HDLBP: variants seen among roughly 807,000 people sequenced by gnomAD.
HDLBP encodes high density lipoprotein binding protein.
In HDLBP, 30 loss-of-function variants were observed where a neutral mutation model predicts 137.3. The observed-to-expected ratio is 0.22, with a 90% CI of 0.16 to 0.30. The LOEUF (loss-of-function observed/expected upper bound fraction) is 0.30. Ranked by LOEUF, HDLBP falls within the 10% of genes least tolerant of loss-of-function variation. The pLI is 1.00. For missense variants in HDLBP, 1,119 were observed against 1,667.3 expected (o/e 0.67, Z 5.73); for synonymous variants, 606 against 596.0 (o/e 1.02, Z -0.24).
At chr2:241,264,360 T>G (rs1358109616) in intron 4 of HDLBP, 88 bp downstream of exon 4, 28 of 737,684 alleles carry the variant, frequency 3.8e-5, no homozygotes, top group Non-Finnish European at 5.3e-5. Context: ...GGACTCTGTC[T>G]CAAAAAAAAA....
At chr2:241,260,212 G>A (rs138029293) in intron 5 of HDLBP, among the ~76,000 whole-genome samples, 1 of 151,730 alleles carries the variant, frequency 6.6e-6, no homozygotes, top group African/African-American at 2.4e-5. Flanking sequence ...CGCCATACTG[G>A]CCAGGCTGGT....
chr2:241,240,307 G>A lies in HDLBP; in HGVS notation c.2170-185C>T. 5 of 643,678 alleles carry A rather than the reference G, an allele frequency of 7.8e-6. No individual in the cohort carries two copies. The highest frequency in any genetic ancestry group is 1.8e-5 in the African/African-American group (1 of 55,792). The allele number at this position is 643,678 out of a possible 1,614,324, so 39.9% of individuals were successfully genotyped here. On this transcript the variant is annotated intron_variant, in intron 17 of 27. Coordinates refer to ENST00000310931, the MANE Select transcript of HDLBP (RefSeq NM_005336.6). This position sits in a 1 kb window ranked among gnomAD's most constrained non-coding sequence, Gnocchi z 5.5. ...CACTGAATAAACAGATGAATACCCA[G>A]ACTGCACACCTACTTCTCTTCCACA...
intron 1 of HDLBP, among the ~76,000 whole-genome samples, chr2:241,306,504 C>T (rs947232652): frequency 1.3e-5 from 2 of 152,064 alleles, no homozygotes; most frequent in African/African-American, 4.8e-5. Flanking sequence ...GGTGATCTGC[C>T]CGCCTCAGCC....
rs1436869884 is a variant in HDLBP, at chr2:241,230,580, C to T, written c.3474+179G>A. ...CCTAATGGCCACCGTGGCAGTGCAG[C>T]CTCACACAGGCCGTCGCCTGCACTG... On this transcript the variant is annotated intron_variant, in intron 25 of 27. Transcript: ENST00000310931. The surrounding 1 kb of genome is among the most constrained non-coding windows in gnomAD (Gnocchi z 5.0). Among the ~76,000 whole-genome samples, 1 of 152,254 alleles carries T rather than the reference C, an allele frequency of 6.6e-6. No homozygotes were observed. The highest frequency in any genetic ancestry group is 1.5e-5 in the Non-Finnish European group (1 of 68,046).
rs1320048970 is a variant in HDLBP at position 241,272,332 on chromosome 2, G to A, written c.-102-3791C>T. Reference sequence around the variant, plus strand: ...GGCGCCCCCGCCGGAGCGGGGGAGGGGAGGGCCGGCCCCGCCAACGTCAGC... The same window carrying A: ...GGCGCCCCCGCCGGAGCGGGGGAGGAGAGGGCCGGCCCCGCCAACGTCAGC... On this transcript the variant is annotated intron_variant, in intron 1 of 27. Transcript: ENST00000310931. The surrounding 1 kb of genome is among the most constrained non-coding windows in gnomAD (Gnocchi z 5.6). 1 of 983,982 alleles carries A rather than the reference G, an allele frequency of 1.0e-6. No individual in the cohort carries two copies. Among genetic ancestry groups the A allele is most frequent in the Non-Finnish European group, 1.2e-6 (1 of 829,042 alleles). 61.0% of individuals were successfully genotyped at this position (983,982 alleles called of 1,614,324 possible). A position where few individuals can be genotyped will look rare whatever the true frequency, so the allele number is the denominator to read the frequency against.
chr2:241,311,663 C>T (rs930392693), intron 1 of HDLBP, among the ~76,000 whole-genome samples: 1 of 152,146 alleles, frequency 6.6e-6, no homozygotes, highest in Admixed American at 6.5e-5. Context: ...ATATAGAAAA[C>T]TGAGCAAGCA....
chr2:241,291,432 G>A (rs1169440043), intron 1 of HDLBP, among the ~76,000 whole-genome samples: 2 of 152,132 alleles, frequency 1.3e-5, no homozygotes, highest in South Asian at 2.1e-4. Flanking sequence ...ACCAAAATAC[G>A]GCTTCCACGG....
At chr2:241,263,451 C>T (rs1316319852) in intron 4 of HDLBP, among the ~76,000 whole-genome samples, 1 of 152,124 alleles carries the variant, frequency 6.6e-6, no homozygotes, top group Non-Finnish European at 1.5e-5. Flanking sequence ...CAGGGTCCCT[C>T]CCGTTGCTTT....
At chr2:241,296,543 G>T (rs1331855618) in intron 1 of HDLBP, among the ~76,000 whole-genome samples, 1 of 152,190 alleles carries the variant, frequency 6.6e-6, no homozygotes, top group Non-Finnish European at 1.5e-5. Context: ...TAGAAGTCAA[G>T]ATACAAATGG....
chr2:241,267,628 GTCTC>G, intron 2 of HDLBP: 1 of 1,535,706 alleles, frequency 6.5e-7, no homozygotes, highest in Non-Finnish European at 8.7e-7. Context: ...AAAGCCAGCG[GTCTC>G]TCTCTGCAAG....
chr2:241,248,021 C>T lies in HDLBP; in HGVS notation c.1713G>A (p.Gln571=), dbSNP rs2071813890. ...CCCCTACCAGATCTGCCACCATCTT[C>T]TGCATGTATTTTGTGCATTTTTCCA... The part of the protein sequence containing the change: ...NEVEKCTKYM[Q]KMVADLVENS... The change falls in exon 14 of 28, where the codon CAG becomes CAA. Residue 571 remains glutamine, a synonymous_variant. Transcript: ENST00000310931. 6.2e-7 allele frequency: 1 copy of T among 1,613,096 alleles called. No homozygotes were observed. Among genetic ancestry groups the T allele is most frequent in the Non-Finnish European group, 8.5e-7 (1 of 1,179,144 alleles).
In HDLBP at chr2:241,273,236, G is replaced by C. The variant is rs2074247593; in HGVS notation, c.-102-4695C>G. 5.1e-6 allele frequency: 5 copies of C among 985,440 alleles called. No individual in the cohort carries two copies. In the African/African-American group the frequency reaches 8.7e-5, roughly 17 times the overall value. 61.0% of individuals were successfully genotyped at this position (985,440 alleles called of 1,614,324 possible). On this transcript the variant is annotated intron_variant, in intron 1 of 27. Transcript: ENST00000310931. ...CACTGGCACGAGGTCCTACAGCGCA[G>C]TGAGGCTCCCAGGCGGCTCCAGGGC...
intron 1 of HDLBP, among the ~76,000 whole-genome samples, chr2:241,305,187 G>A (rs1183443301): frequency 1.3e-5 from 2 of 152,158 alleles, no homozygotes; most frequent in African/African-American, 2.4e-5. Context: ...GCAGTGGCGC[G>A]ATCTTGGCTC....
At chr2:241,302,778 T>TA (rs937410691) in intron 1 of HDLBP, 1 of 152,264 alleles carries the variant, frequency 6.6e-6, no homozygotes, top group African/African-American at 2.4e-5. Context: ...GTAAATCTCC[T>TA]ACTAGGCCAG....
intron 10 of HDLBP, 51 bp from the exon 11 acceptor site, chr2:241,253,086 G>T (rs375123572): frequency 4.4e-6 from 6 of 1,375,852 alleles, no homozygotes; most frequent in South Asian, 1.2e-5. Flanking sequence ...CTTGGCCAAT[G>T]AGCTGAACCA....
chr2:241,274,988 G>A (rs1252025917), intron 1 of HDLBP, among the ~76,000 whole-genome samples: 1 of 152,058 alleles, frequency 6.6e-6, no homozygotes, highest in Non-Finnish European at 1.5e-5. Flanking sequence ...AAGATAGGTA[G>A]ATCAAAAAAA....
chr2:241,261,389 C>A (rs1266357227), intron 5 of HDLBP, among the ~76,000 whole-genome samples: 1 of 152,054 alleles, frequency 6.6e-6, no homozygotes, highest in Non-Finnish European at 1.5e-5. Flanking sequence ...ATTAAGAAAC[C>A]ACTATCAATA....
intron 1 of HDLBP, among the ~76,000 whole-genome samples, chr2:241,309,640 C>T (rs2075702482): frequency 6.6e-6 from 1 of 152,190 alleles, no homozygotes; most frequent in Admixed American, 6.5e-5. Flanking sequence ...AGATGCACCC[C>T]ACAACTCTGC....
chr2:241,294,521 T>C (rs1228095622), intron 1 of HDLBP, among the ~76,000 whole-genome samples: 6 of 152,218 alleles, frequency 3.9e-5, no homozygotes, highest in African/African-American at 1.2e-4. Flanking sequence ...AGTACAGTGA[T>C]GCAAGATAGC....
Sources: gnomAD v4.1 joint callset for allele counts (sites outside exome capture counted in the v4.1 genomes callset) on GRCh38, gnomAD v4.1.1 for gene constraint, Gnocchi (gnomAD v3.1) non-coding constraint, MANE v1.5 for transcripts, NCBI Gene and HGNC (gene_info 2026-07-23, HGNC 2026-07-21) for gene names.